Variants in DROSHA observed in about 807,000 individuals in gnomAD.
The protein encoded by DROSHA is ribonuclease 3.
A neutral mutation model predicts 181.9 loss-of-function variants in DROSHA; 56 were observed. The observed-to-expected ratio is 0.31, with a 90% CI of 0.25 to 0.38. DROSHA has a LOEUF of 0.38. DROSHA is among the 10% of genes least tolerant of loss of function. DROSHA has a pLI of 1.00. For missense variants in DROSHA, 1,218 were observed against 1,743.5 expected (o/e 0.70, Z 5.37); for synonymous variants, 524 against 591.2 (o/e 0.89, Z 1.65).
At chr5:31,531,292 T>C (rs1363880588) in intron 2 of DROSHA, among the ~76,000 whole-genome samples, 158 bp downstream of exon 2, 1 of 152,184 alleles carries the variant, frequency 6.6e-6, no homozygotes, top group African/African-American at 2.4e-5. Flanking sequence ...TCTTGTACAG[T>C]GTGTAACAAG....
chr5:31,515,406 A>G (rs1051866958), intron 7 of DROSHA, 48 bp downstream of exon 7: 1 of 1,081,566 alleles, frequency 9.2e-7, no homozygotes, highest in African/African-American at 1.6e-5. Flanking sequence ...CCTGAAGTTT[A>G]CTTGTTTAAA....
chr5:31,439,187 C>T (rs1342000316), intron 23 of DROSHA, among the ~76,000 whole-genome samples: 1 of 152,130 alleles, frequency 6.6e-6, no homozygotes, highest in Non-Finnish European at 1.5e-5. Flanking sequence ...TTACCCCTGG[C>T]CAACCACAAT....
At chr5:31,511,014 T>C (rs1738604873) in intron 9 of DROSHA, 21 bp downstream of exon 9, 4 of 1,613,508 alleles carry the variant, frequency 2.5e-6, no homozygotes, top group African/African-American at 1.3e-5. Context: ...GGTCTCAGGC[T>C]AGTTAGTGAC....
At chr5:31,529,681 G>C (rs757592801) in intron 3 of DROSHA, among the ~76,000 whole-genome samples, 7 of 149,586 alleles carry the variant, frequency 4.7e-5, no homozygotes, top group Non-Finnish European at 8.8e-5. Flanking sequence ...CTTGCAGTGA[G>C]CCGAGATGGC....
intron 16 of DROSHA, among the ~76,000 whole-genome samples, chr5:31,481,660 G>A (rs955831770): frequency 6.6e-6 from 1 of 152,138 alleles, no homozygotes; most frequent in Non-Finnish European, 1.5e-5. Flanking sequence ...AACATGAACA[G>A]TAATACTAAA....
intron 29 of DROSHA, 33 bp downstream of exon 29, chr5:31,422,754 C>T: frequency 1.2e-6 from 2 of 1,611,108 alleles, no homozygotes; most frequent in Non-Finnish European, 1.7e-6. Context: ...TCTAAATGGT[C>T]ACATTGGGAC....
At chr5:31,480,178 G>GTATCTATATATATATATATATATATATA (rs1750857698) in intron 16 of DROSHA, among the ~76,000 whole-genome samples, 1 of 84,870 alleles carries the variant, frequency 1.2e-5, no homozygotes. Context: ...GGCAATGTCA[G>GTATCTATATATATATATATATATATATA]TATATATATA....
intron 11 of DROSHA, 23 bp downstream of exon 11, chr5:31,504,532 A>G (rs966527625): frequency 6.2e-7 from 1 of 1,613,044 alleles, no homozygotes; most frequent in Non-Finnish European, 8.5e-7. Flanking sequence ...GCATTTACAA[A>G]CATAATAACC....
At chr5:31,511,444 C>T (rs1429249202) in intron 8 of DROSHA, among the ~76,000 whole-genome samples, 1 of 152,158 alleles carries the variant, frequency 6.6e-6, no homozygotes, top group East Asian at 1.9e-4. Context: ...CTGGCTCACG[C>T]CTGTAATCCT....
At chr5:31,516,250 G>A (rs1009938686) in intron 6 of DROSHA, among the ~76,000 whole-genome samples, 4 of 152,154 alleles carry the variant, frequency 2.6e-5, no homozygotes, top group African/African-American at 9.7e-5. Context: ...GCAAAATGCT[G>A]TCTCAAAACA....
chr5:31,445,458 C>T (rs1383644479), intron 23 of DROSHA, among the ~76,000 whole-genome samples: 1 of 152,104 alleles, frequency 6.6e-6, no homozygotes, highest in Non-Finnish European at 1.5e-5. Context: ...TTATATGAGG[C>T]CAGTATTACC....
intron 19 of DROSHA, 78 bp downstream of exon 19, chr5:31,466,104 A>G (rs1052136057): frequency 5.7e-6 from 8 of 1,407,660 alleles, no homozygotes; most frequent in Non-Finnish European, 7.0e-6. Flanking sequence ...TACCAGAAGT[A>G]TAGTGTGATA....
intron 19 of DROSHA, 39 bp from the exon 20 acceptor site, chr5:31,464,382 A>G (rs1748771436): frequency 6.3e-7 from 1 of 1,577,772 alleles, no homozygotes; most frequent in Non-Finnish European, 8.7e-7. Context: ...CACAACTGCT[A>G]TAAAGCAATA....
At chr5:31,507,746 T>C (rs72550791) in intron 10 of DROSHA, among the ~76,000 whole-genome samples, 3,640 of 152,332 alleles carry the variant, frequency 0.024, 141 homozygotes, top group African/African-American at 0.083. Context: ...TGCTGGATTA[T>C]AAATTTGAAG....
intron 12 of DROSHA, among the ~76,000 whole-genome samples, chr5:31,494,030 A>G: frequency 6.7e-6 from 1 of 150,338 alleles, no homozygotes; most frequent in East Asian, 2.0e-4. Context: ...GTGCAGTGGC[A>G]TGATCTTGGC....
chr5:31,442,600 A>G (rs1357386566), intron 23 of DROSHA, among the ~76,000 whole-genome samples: 1 of 152,152 alleles, frequency 6.6e-6, no homozygotes, highest in Non-Finnish European at 1.5e-5. Context: ...ATAAAACACA[A>G]CCGTCTCCCT....
Position 31,508,727 on chromosome 5 carries a change from G to A in DROSHA, c.1481C>T (p.Ser494Phe). ...ECESDEDSTC[S>F]SSSDSEVFDV... ...AAAAACTTCAGAGTCTGAGCTGCTAGAACAGGTGCTGTCCTCATCAGACTC... is the reference window on the plus strand; with the variant it reads ...AAAAACTTCAGAGTCTGAGCTGCTAAAACAGGTGCTGTCCTCATCAGACTC... The change falls in exon 10 of 36, where the codon TCT becomes TTT. Residue 494 changes from serine to phenylalanine, a missense_variant. Physicochemically the swap from Ser to Phe is radical, Grantham distance 155 (BLOSUM62 -2). Coordinates refer to ENST00000344624, the MANE Select transcript of DROSHA (RefSeq NM_001382508.1). 3 of 1,613,880 alleles carry A rather than the reference G, an allele frequency of 1.9e-6. No individual in the cohort carries two copies. Among genetic ancestry groups the A allele is most frequent in the South Asian group, 1.1e-5 (1 of 91,064 alleles).
intron 21 of DROSHA, among the ~76,000 whole-genome samples, chr5:31,451,219 AT>A (rs1266257118): frequency 6.6e-6 from 1 of 152,170 alleles, no homozygotes; most frequent in Admixed American, 6.5e-5. Flanking sequence ...GAAAAAAAAA[AT>A]CTACATCTTT....
intron 12 of DROSHA, among the ~76,000 whole-genome samples, chr5:31,493,668 G>A (rs547933410): frequency 6.6e-6 from 1 of 152,210 alleles, no homozygotes; most frequent in East Asian, 1.9e-4. Context: ...TGACTCAAAT[G>A]CAAAGTGGAA....
Sources: gnomAD v4.1 joint callset for allele counts (sites outside exome capture counted in the v4.1 genomes callset) on GRCh38, gnomAD v4.1.1 for gene constraint, MANE v1.5 for transcripts, NCBI Gene and HGNC (gene_info 2026-07-23, HGNC 2026-07-21) for gene names.